The following PCDHA5 variants were observed in gnomAD, a reference collection of about 807,000 sequenced individuals.
PCDHA5 encodes protocadherin alpha-5.
PCDHA5 carries 43 observed loss-of-function variants against 61.6 expected under a neutral mutation model. The ratio of observed to expected loss-of-function variants is 0.70; its 90% CI spans 0.55 to 0.90. The LOEUF (loss-of-function observed/expected upper bound fraction) is 0.90. Among genes scored for constraint, PCDHA5 ranks in the 40% least tolerant of loss-of-function variants. The pLI, the probability that PCDHA5 is intolerant of heterozygous loss-of-function variation, is 0.00. For missense variants in PCDHA5, 1,298 were observed against 1,222.7 expected (o/e 1.06, Z -0.92); for synonymous variants, 627 against 543.9 (o/e 1.15, Z -2.13).
chr5:140,861,804 T>C (rs36095340), intron 1 of PCDHA5: 19,400 of 158,354 alleles, frequency 0.12, 1,289 homozygotes, highest in Middle Eastern at 0.19. Flanking sequence ...AGGTGTATTT[T>C]AAAAATTCTT....
intron 1 of PCDHA5, chr5:140,850,718 TTCTAGCGCGGTGGGGAGTTGGTCGTAC>T (rs2041783529): frequency 1.3e-6 from 2 of 1,597,556 alleles, no homozygotes; most frequent in African/African-American, 2.7e-5. Flanking sequence ...CGCTGGTGTG[TTCTAGCGCGGTGGGGAGTTGGTCGTAC>T]TCGCAGCAGA....
intron 3 of PCDHA5, among the ~76,000 whole-genome samples, chr5:140,990,194 G>A (rs2097380047): frequency 6.6e-6 from 1 of 152,076 alleles, no homozygotes; most frequent in Non-Finnish European, 1.5e-5. Context: ...ACCAAATGTG[G>A]ACCCGAAAGA....
chr5:140,899,171 A>G (rs1302003338), intron 1 of PCDHA5, among the ~76,000 whole-genome samples: 1 of 152,058 alleles, frequency 6.6e-6, no homozygotes, highest in Non-Finnish European at 1.5e-5. Context: ...TCCTAATTGA[A>G]TACCCTTTAT....
intron 1 of PCDHA5, chr5:140,843,304 C>A (rs2150356889): frequency 5.6e-6 from 9 of 1,595,876 alleles, no homozygotes; most frequent in Non-Finnish European, 7.7e-6. Flanking sequence ...CGCTGACCGC[C>A]ACGGCCACGG....
rs376660293 is a variant in PCDHA5 at position 141,011,766 on chromosome 5, A to C, written c.*1829A>C. ...ACCAATCTGACCTCTTTGAAGTTGCAGAATGCTTTGAAATTCTAATGGTAT... is the reference window on the plus strand; with the variant it reads ...ACCAATCTGACCTCTTTGAAGTTGCCGAATGCTTTGAAATTCTAATGGTAT... On this transcript the variant is annotated 3_prime_UTR_variant, in exon 4 of 4. Transcript: ENST00000529859. 2.6e-5 allele frequency: 4 copies of C among 153,796 alleles called. No homozygotes were observed. Among genetic ancestry groups the C allele is most frequent in the Non-Finnish European group, 5.9e-5 (4 of 68,044 alleles). 9.5% of individuals were successfully genotyped at this position (153,796 alleles called of 1,614,324 possible).
intron 1 of PCDHA5, among the ~76,000 whole-genome samples, chr5:140,922,237 G>A (rs2080732766): frequency 6.6e-6 from 1 of 152,156 alleles, no homozygotes; most frequent in Non-Finnish European, 1.5e-5. Flanking sequence ...ACCATGATGT[G>A]TATGAAGATA....
At chr5:140,828,657 A>C in intron 1 of PCDHA5, 1 of 1,614,208 alleles carries the variant, frequency 6.2e-7, no homozygotes, top group Non-Finnish European at 8.5e-7. Context: ...AGTGATGACA[A>C]TAAACAAATT....
At chr5:141,008,410 A>G (rs782459591) in intron 3 of PCDHA5, among the ~76,000 whole-genome samples, 33 of 152,184 alleles carry the variant, frequency 2.2e-4, no homozygotes, top group Non-Finnish European at 3.7e-4. Context: ...TTCCAATGTC[A>G]TGGCCACTGG....
In PCDHA5 at chr5:140,821,660, G is replaced by A. The variant is rs1183568019; in HGVS notation, c.-116G>A. ...AAAAGAACCTTCCATTTTTGGCTGT[G>A]CCAAGAAGCTCAGAAAGGCGATAAT... On this transcript the variant is annotated 5_prime_UTR_variant, in exon 1 of 4. Coordinates refer to ENST00000529859, the MANE Select transcript of PCDHA5 (RefSeq NM_018908.3). The A allele has an allele frequency of 8.4e-7, 1 of 1,191,180 alleles. No individual in the cohort carries two copies. The highest frequency in any genetic ancestry group is 1.2e-6 in the Non-Finnish European group (1 of 853,170). 73.8% of individuals were successfully genotyped at this position (1,191,180 alleles called of 1,614,324 possible). A position where few individuals can be genotyped will look rare whatever the true frequency, so the allele number is the denominator to read the frequency against.
At chr5:140,854,205 T>C (rs2043038740) in intron 1 of PCDHA5, 1 of 692,808 alleles carries the variant, frequency 1.4e-6, no homozygotes, top group East Asian at 1.3e-4. Flanking sequence ...CTACTTTTTA[T>C]TCAATATTGG....
At chr5:141,007,759 T>C (rs1392582275) in intron 3 of PCDHA5, among the ~76,000 whole-genome samples, 6 of 152,312 alleles carry the variant, frequency 3.9e-5, no homozygotes, top group Middle Eastern at 3.4e-3. Flanking sequence ...TGGACTCTTA[T>C]TGGCCTGGAA....
In PCDHA5 at chr5:140,856,320, G is replaced by T. The variant is rs2043925109; in HGVS notation, c.2352+32193G>T. 1.8e-5 allele frequency: 28 copies of T among 1,598,544 alleles called. 3 individuals carry two copies. Among genetic ancestry groups the T allele is most frequent in the Non-Finnish European group, 2.4e-5 (28 of 1,168,074 alleles). ...TTGTTTGTGAATTCTCGGATTGACC[G>T]CGAGGAGCTGTGCGGGCGGAGCGTG... On this transcript the variant is annotated intron_variant, in intron 1 of 3. Coordinates refer to ENST00000529859, the MANE Select transcript of PCDHA5 (RefSeq NM_018908.3).
chr5:140,928,875 T>C (rs781860300), intron 1 of PCDHA5: 1 of 1,614,184 alleles, frequency 6.2e-7, no homozygotes, highest in Non-Finnish European at 8.5e-7. Context: ...ACTCTGTCCC[T>C]CAGTTACTTC....
intron 1 of PCDHA5, chr5:140,835,670 C>G (rs1554135177): frequency 1.2e-6 from 2 of 1,613,852 alleles, no homozygotes; most frequent in East Asian, 2.2e-5. Context: ...CCGCGCGGGA[C>G]GGGGGCTCGC....
At chr5:140,925,238 T>C (rs2082404327) in intron 1 of PCDHA5, among the ~76,000 whole-genome samples, 1 of 152,248 alleles carries the variant, frequency 6.6e-6, no homozygotes, top group African/African-American at 2.4e-5. Context: ...CCAGAAAATA[T>C]GTCCTGGAAA....
intron 1 of PCDHA5, among the ~76,000 whole-genome samples, chr5:140,885,309 T>C (rs1456816250): frequency 6.6e-6 from 1 of 152,194 alleles, no homozygotes; most frequent in Non-Finnish European, 1.5e-5. Context: ...GTAGGCTTTT[T>C]GTTATTATTT....
chr5:140,963,811 G>A (rs2153736544), intron 1 of PCDHA5, among the ~76,000 whole-genome samples: 1 of 152,288 alleles, frequency 6.6e-6, no homozygotes, highest in Middle Eastern at 3.4e-3. Context: ...TAGTCACTGT[G>A]CAAATTGCTT....
At chr5:140,926,129 G>C (rs2082926412) in intron 1 of PCDHA5, among the ~76,000 whole-genome samples, 1 of 152,178 alleles carries the variant, frequency 6.6e-6, no homozygotes, top group African/African-American at 2.4e-5. Flanking sequence ...ACTTCAACCC[G>C]CAGCAGGATC....
intron 1 of PCDHA5, chr5:140,855,866 C>T: frequency 2.5e-6 from 2 of 802,280 alleles, no homozygotes; most frequent in Middle Eastern, 2.5e-4. Flanking sequence ...TCGCTGTCGT[C>T]CACAAAATAG....
Sources: allele counts gnomAD v4.1 joint callset (sites outside exome capture counted in the v4.1 genomes callset), GRCh38; gene constraint gnomAD v4.1.1; transcripts MANE v1.5; gene names NCBI Gene and HGNC (gene_info 2026-07-23, HGNC 2026-07-21).